CEP83: variants seen among roughly 807,000 people sequenced by gnomAD.
The protein encoded by CEP83 is centrosomal protein 83.
CEP83 carries 70 observed loss-of-function variants against 101.9 expected under a neutral mutation model. The ratio of observed to expected loss-of-function variants is 0.69; its 90% CI spans 0.57 to 0.84. The LOEUF (loss-of-function observed/expected upper bound fraction) is 0.84, where lower values mean the gene tolerates loss of function less well. Among genes scored for constraint, CEP83 ranks in the 40% least tolerant of loss-of-function variants. CEP83 has a pLI of 0.00. For synonymous variants in CEP83, 264 were observed against 267.9 expected (o/e 0.99, Z 0.14); for missense variants, 715 against 787.2 (o/e 0.91, Z 1.10).
intron 2 of CEP83, among the ~76,000 whole-genome samples, chr12:94,419,586 A>G (rs759516755): frequency 3.3e-5 from 5 of 152,202 alleles, no homozygotes; most frequent in Non-Finnish European, 7.4e-5. Context: ...AGACTTTACT[A>G]TATATCAGTA....
chr12:94,350,154 G>T (rs992227753), intron 11 of CEP83, among the ~76,000 whole-genome samples: 1 of 152,056 alleles, frequency 6.6e-6, no homozygotes, highest in African/African-American at 2.4e-5. Flanking sequence ...CCTAAAATTC[G>T]TATGGAATCT....
Position 94,412,357 on chromosome 12 carries a change from T to C in CEP83, c.134A>G (p.His45Arg). The change falls in exon 3 of 17, where the codon CAT becomes CGT. Residue 45 changes from histidine (H) to arginine (R), a missense_variant. His to Arg is a conservative substitution (Grantham distance 29). Transcript: ENST00000397809. Reference protein sequence around the residue: ...LIDERLRCEHHKANYQTLKAE... With the variant: ...LIDERLRCEHRKANYQTLKAE... ...CTTCAGTGTCTGATAATTAGCTTTA[T>C]GATGCTCACATCGTAACCTTTCATC... 2 of 1,612,590 alleles carry C rather than the reference T, an allele frequency of 1.2e-6. No homozygotes were observed. The highest frequency in any genetic ancestry group is 1.7e-6 in the Non-Finnish European group (2 of 1,179,284).
chr12:94,445,282 C>CACAT (rs149792322), intron 1 of CEP83, among the ~76,000 whole-genome samples: 1 of 151,912 alleles, frequency 6.6e-6, no homozygotes, highest in African/African-American at 2.4e-5. Flanking sequence ...TACACACACA[C>CACAT]ACACACACAC....
intron 1 of CEP83, among the ~76,000 whole-genome samples, chr12:94,440,112 CT>C (rs778165375): frequency 1.2e-4 from 18 of 152,056 alleles, no homozygotes; most frequent in Non-Finnish European, 5.9e-5. Context: ...AGCATTCCCC[CT>C]GAGAACTAGA....
chr12:94,412,186 A>T, intron 3 of CEP83, 132 bp downstream of exon 3: 1 of 644,844 alleles, frequency 1.6e-6, no homozygotes, highest in Non-Finnish European at 2.5e-6. Context: ...AAATTTTACT[A>T]TATTAAAAAA....
intron 2 of CEP83, chr12:94,424,921 G>A (rs1381181029): frequency 6.3e-7 from 1 of 1,593,590 alleles, no homozygotes; most frequent in Non-Finnish European, 8.6e-7. Flanking sequence ...TGTTTCTATT[G>A]TAGCCAAAAG....
chr12:94,402,934 A>C (rs1384191286), intron 5 of CEP83: 1 of 305,644 alleles, frequency 3.3e-6, no homozygotes, highest in Non-Finnish European at 5.9e-6. Flanking sequence ...TAAAAATAAA[A>C]ATAAAGAAAC....
intron 11 of CEP83, among the ~76,000 whole-genome samples, chr12:94,358,574 T>C (rs376376664): frequency 5.2e-4 from 79 of 152,306 alleles, no homozygotes; most frequent in African/African-American, 1.9e-3. Context: ...AATGGGCACA[T>C]AGCTCCAACA....
the CEP83 span, among the ~76,000 whole-genome samples, chr12:94,275,547 C>A: frequency 6.6e-6 from 1 of 152,188 alleles, no homozygotes; most frequent in African/African-American, 2.4e-5. Context: ...CTTGACTGTA[C>A]TTACGCCTTA....
chr12:94,397,304 G>A (rs773245890), intron 6 of CEP83, among the ~76,000 whole-genome samples: 12 of 152,088 alleles, frequency 7.9e-5, no homozygotes, highest in Non-Finnish European at 1.6e-4. Context: ...TTTGAGACCA[G>A]CCTGGCCAAC....
At chr12:94,347,175 TAAGA>T (rs1358710360) in intron 11 of CEP83, among the ~76,000 whole-genome samples, 1 of 151,574 alleles carries the variant, frequency 6.6e-6, no homozygotes, top group African/African-American at 2.4e-5. Context: ...AATATGTATC[TAAGA>T]AAGAGCTTTT....
In CEP83 at chr12:94,367,495, A is replaced by C. The variant is rs143950358; in HGVS notation, c.1343+299T>G. On this transcript the variant is annotated intron_variant, in intron 11 of 16. Transcript: ENST00000397809. ...AAGTGTTCATAAGTTCCAGATTAAA[A>C]GTAACTAAATGCAACATGTGATCCT... Among the ~76,000 whole-genome samples, 5 of 152,278 alleles carry C rather than the reference A, an allele frequency of 3.3e-5. No homozygotes were observed. In the East Asian group the frequency reaches 7.7e-4, roughly 23 times the overall value.
At chr12:94,453,400 T>C (rs2067404643) in intron 1 of CEP83, among the ~76,000 whole-genome samples, 1 of 152,224 alleles carries the variant, frequency 6.6e-6, no homozygotes, top group South Asian at 2.1e-4. Flanking sequence ...AAAGAGACAT[T>C]CCTCAATTTT....
chr12:94,355,946 G>C (rs543876173), intron 11 of CEP83, among the ~76,000 whole-genome samples: 185 of 152,230 alleles, frequency 1.2e-3, no homozygotes, highest in African/African-American at 4.4e-3. Context: ...TCTCTGTTCA[G>C]GGCTCTCAGC....
At chr12:94,393,672 G>A (rs1164795644) in intron 6 of CEP83, among the ~76,000 whole-genome samples, 1 of 152,180 alleles carries the variant, frequency 6.6e-6, no homozygotes, top group African/African-American at 2.4e-5. Flanking sequence ...TAGGAAATGA[G>A]GAAGTCAAAT....
At chr12:94,322,426 C>T (rs1420168371) in intron 14 of CEP83, among the ~76,000 whole-genome samples, 1 of 152,198 alleles carries the variant, frequency 6.6e-6, no homozygotes, top group Non-Finnish European at 1.5e-5. Flanking sequence ...AGTAAAAAAG[C>T]AGTCTGGCCA....
At chr12:94,433,704 G>T (rs1415630279) in intron 2 of CEP83, among the ~76,000 whole-genome samples, 1 of 151,014 alleles carries the variant, frequency 6.6e-6, no homozygotes, top group Non-Finnish European at 1.5e-5. Context: ...GAAAAGAAAA[G>T]AAAATTAATT....
chr12:94,266,657 T>G, the CEP83 span, among the ~76,000 whole-genome samples: 3 of 152,232 alleles, frequency 2.0e-5, no homozygotes, highest in African/African-American at 4.8e-5. Flanking sequence ...TGCCACTGGT[T>G]AGCTGTGTAA....
Position 94,411,809 on chromosome 12 carries a change from T to C in CEP83, c.212A>G (p.Lys71Arg), listed in dbSNP as rs1329039646. The C allele has an allele frequency of 6.2e-7, 1 of 1,612,682 alleles. No individual in the cohort carries two copies. The highest frequency in any genetic ancestry group is 8.5e-7 in the Non-Finnish European group (1 of 1,179,578). ...NEHVKLQNEL[K>R]HLFNEKQTQQ... is the part of the protein sequence containing the mutation. Reference sequence around the variant, plus strand: ...AGTTTGCTTTTCATTAAACAGGTGCTTGAGTTCATTTTGTAACTTTACATG... The same window carrying C: ...AGTTTGCTTTTCATTAAACAGGTGCCTGAGTTCATTTTGTAACTTTACATG... Residue 71 changes from lysine to arginine, a missense_variant, in exon 4 of 17, where the codon AAG becomes AGG. Lys to Arg is a conservative substitution (Grantham distance 26). Transcript: ENST00000397809.
Sources: allele counts gnomAD v4.1 joint callset (sites outside exome capture counted in the v4.1 genomes callset), GRCh38; gene constraint gnomAD v4.1.1; transcripts MANE v1.5; gene names NCBI Gene and HGNC (gene_info 2026-07-23, HGNC 2026-07-21).